SUSD5: variants seen among roughly 807,000 people sequenced by gnomAD.
SUSD5 encodes sushi domain-containing protein 5.
Under a neutral mutation model 29.5 loss-of-function variants are expected in SUSD5, and 33 were observed. The observed-to-expected ratio is 1.12, with a 90% CI of 0.85 to 1.49. The LOEUF is 1.49. Ranked by LOEUF, SUSD5 falls within the 40% of genes most tolerant of loss-of-function variation. SUSD5 has a pLI of 0.00. For synonymous variants in SUSD5, 308 were observed against 325.3 expected (o/e 0.95, Z 0.57); for missense variants, 776 against 800.6 (o/e 0.97, Z 0.37).
In SUSD5 at chr3:33,213,986, C is replaced by T. The variant is rs1480497534; in HGVS notation, c.232G>A (p.Val78Ile). ...LASADELRRVVQDCSFAVCTT... is the reference protein window; with the variant it reads ...LASADELRRVIQDCSFAVCTT... ...CACACCGCAAAGGAGCAATCCTGTA[C>T]CACTCTCCGCAGCTCGTCTGCAGAT... The change falls in exon 2 of 5, where the codon GTA becomes ATA. Residue 78 changes from valine (V) to isoleucine (I), a missense_variant. Coordinates refer to ENST00000309558, the MANE Select transcript of SUSD5 (RefSeq NM_015551.2). The T allele has an allele frequency of 1.2e-6, 2 of 1,613,634 alleles. No individual in the cohort carries two copies. Among genetic ancestry groups the T allele is most frequent in the African/African-American group, 1.3e-5 (1 of 74,924 alleles).
intron 3 of SUSD5, among the ~76,000 whole-genome samples, chr3:33,186,769 TGA>T (rs1181246347): frequency 1.3e-5 from 2 of 152,172 alleles, no homozygotes; most frequent in African/African-American, 4.8e-5. Flanking sequence ...TCCTTTTATA[TGA>T]GAGAGATTTT....
intron 4 of SUSD5, among the ~76,000 whole-genome samples, chr3:33,172,726 G>GA (rs1170534538): frequency 5.3e-5 from 8 of 152,366 alleles, no homozygotes; most frequent in Non-Finnish European, 1.0e-4. Context: ...AAGGCAAGTA[G>GA]AAACACCCAG....
At position 33,153,125 on chromosome 3, in the gene SUSD5, C is replaced by G. The variant is rs762003253; in HGVS notation, c.1507G>C (p.Val503Leu). Residue 503 changes from valine (V) to leucine (L), a missense_variant, in exon 5 of 5, where the codon GTC (valine) becomes CTC (leucine). Transcript: ENST00000309558. ...STLEILTVNT[V>L]KQTPNHIPST... Reference sequence around the variant, plus strand: ...GGGATGTGGTTAGGTGTCTGCTTGACAGTGTTCACTGTTAATATCTCCAGG... The same window carrying G: ...GGGATGTGGTTAGGTGTCTGCTTGAGAGTGTTCACTGTTAATATCTCCAGG... The G allele has an allele frequency of 6.8e-6, 11 of 1,613,890 alleles. No individual in the cohort carries two copies. Among genetic ancestry groups the G allele is most frequent in the Admixed American group, 3.3e-5 (2 of 60,014 alleles).
At chr3:33,179,660 G>T (rs1353843227) in intron 3 of SUSD5, among the ~76,000 whole-genome samples, 1 of 152,122 alleles carries the variant, frequency 6.6e-6, no homozygotes, top group African/African-American at 2.4e-5. Flanking sequence ...GCTTGCTTTG[G>T]GGTTTCATTT....
At chr3:33,175,563 C>CACACACTA (rs1553620684) in intron 3 of SUSD5, among the ~76,000 whole-genome samples, 1 of 150,162 alleles carries the variant, frequency 6.7e-6, no homozygotes, top group East Asian at 2.0e-4. Context: ...CACACACACA[C>CACACACTA]TATATATATA....
rs143165898 is a variant in SUSD5 at position 33,201,524 on chromosome 3, T to A, written c.409+6284A>T. Among the ~76,000 whole-genome samples the A allele has an allele frequency of 5.5e-3, 840 of 152,334 alleles. 7 individuals are homozygous for A. The highest frequency in any genetic ancestry group is 0.019 in the African/African-American group (799 of 41,570). On this transcript the variant is annotated intron_variant, in intron 3 of 4. Coordinates refer to ENST00000309558, the MANE Select transcript of SUSD5 (RefSeq NM_015551.2). The stretch of plus-strand genomic sequence containing the variant: ...CTCTGGCTGCCCAGACACTTGGCAT[T>A]CGTGGAAGCTGGCTGCTGGTGTATC...
At chr3:33,165,005 C>T (rs990365417) in intron 4 of SUSD5, among the ~76,000 whole-genome samples, 2 of 142,358 alleles carry the variant, frequency 1.4e-5, no homozygotes, top group African/African-American at 5.2e-5. Context: ...CACACACACA[C>T]ACGTATGATC....
intron 4 of SUSD5, among the ~76,000 whole-genome samples, chr3:33,168,068 G>A (rs142080710): frequency 1.2e-4 from 18 of 152,328 alleles, no homozygotes; most frequent in African/African-American, 3.6e-4. Context: ...AAAGTCATAC[G>A]TCAGGACTGA....
chr3:33,175,303 T>C (rs1332263317), intron 3 of SUSD5, among the ~76,000 whole-genome samples: 2 of 152,226 alleles, frequency 1.3e-5, no homozygotes, highest in African/African-American at 4.8e-5. Flanking sequence ...CATAAAGTGC[T>C]GCAACTTTGC....
intron 4 of SUSD5, among the ~76,000 whole-genome samples, chr3:33,168,969 C>T (rs988605434): frequency 2.6e-5 from 4 of 151,852 alleles, no homozygotes; most frequent in Non-Finnish European, 5.9e-5. Flanking sequence ...TGGTTTTAAA[C>T]CCCGGCTCTG....
intron 4 of SUSD5, among the ~76,000 whole-genome samples, chr3:33,161,192 C>T (rs2031181072): frequency 6.6e-6 from 1 of 152,192 alleles, no homozygotes; most frequent in Non-Finnish European, 1.5e-5. Flanking sequence ...CATATACACA[C>T]ACACACAATA....
intron 3 of SUSD5, among the ~76,000 whole-genome samples, chr3:33,186,071 AGGCG>A (rs1463036068): frequency 2.0e-5 from 3 of 152,198 alleles, no homozygotes; most frequent in Non-Finnish European, 4.4e-5. Flanking sequence ...TGGGAGGCCA[AGGCG>A]GGCGGATCAT....
At position 33,218,801 on chromosome 3, in the gene SUSD5, C is replaced by A; in HGVS notation, c.-4G>T. ...GGCTGGGTCCCTCGGCAGTCATGGT[C>A]CGGGAGTGCGCGGGCCAGCGGACTC... On this transcript the variant is annotated 5_prime_UTR_variant, in exon 1 of 5. Transcript: ENST00000309558. 6.9e-7 allele frequency: 1 copy of A among 1,443,660 alleles called. No homozygotes were observed. Among genetic ancestry groups the A allele is most frequent in the Non-Finnish European group, 9.1e-7 (1 of 1,104,024 alleles). 89.4% of individuals were successfully genotyped at this position (1,443,660 alleles called of 1,614,324 possible). A position where few individuals can be genotyped will look rare whatever the true frequency, so the allele number is the denominator to read the frequency against.
intron 4 of SUSD5, 147 bp downstream of exon 4, chr3:33,174,739 A>T: frequency 1.3e-6 from 1 of 775,222 alleles, no homozygotes; most frequent in Non-Finnish European, 2.0e-6. Flanking sequence ...AGATGTTGCT[A>T]GGTCCAGAGC....
At chr3:33,215,911 A>T (rs1177788847) in intron 1 of SUSD5, among the ~76,000 whole-genome samples, 1 of 152,214 alleles carries the variant, frequency 6.6e-6, no homozygotes, top group Admixed American at 6.5e-5. Flanking sequence ...AGAATCAATG[A>T]TCTAAGTTTC....
intron 4 of SUSD5, among the ~76,000 whole-genome samples, chr3:33,157,025 CAT>C (rs2031071737): frequency 6.6e-6 from 1 of 152,196 alleles, no homozygotes; most frequent in Non-Finnish European, 1.5e-5. Flanking sequence ...ACACAAAAAA[CAT>C]ATCAGATGGC....
At chr3:33,186,111 G>A (rs1162049938) in intron 3 of SUSD5, among the ~76,000 whole-genome samples, 1 of 152,086 alleles carries the variant, frequency 6.6e-6, no homozygotes, top group Admixed American at 6.5e-5. Flanking sequence ...AGACCATCCT[G>A]GCTAACACGG....
intron 4 of SUSD5, among the ~76,000 whole-genome samples, chr3:33,170,197 G>A (rs1445083015): frequency 6.6e-6 from 1 of 152,142 alleles, no homozygotes. Context: ...GGGATTACAG[G>A]CATGAGCCAC....
Position 33,152,949 on chromosome 3 carries a change from C to G in SUSD5, c.1683G>C (p.Ser561=). 3 of 1,613,964 alleles carry G rather than the reference C, an allele frequency of 1.9e-6. No individual in the cohort carries two copies. The highest frequency in any genetic ancestry group is 2.5e-6 in the Non-Finnish European group (3 of 1,179,864). ...GGCCAGGACATCCGTCCCCCACACA[C>G]GACTCCAAGGTGGGATGAAGCTCCT... is the stretch of plus-strand genomic sequence containing the variant. ...ASEELHPTLE[S]CVGDGCPGLS... The change falls in exon 5 of 5, where the codon TCG becomes TCC. Residue 561 remains serine, a synonymous_variant. Transcript: ENST00000309558.
Sources: gnomAD v4.1 joint callset for allele counts (sites outside exome capture counted in the v4.1 genomes callset) on GRCh38, gnomAD v4.1.1 for gene constraint, MANE v1.5 for transcripts, NCBI Gene and HGNC (gene_info 2026-07-23, HGNC 2026-07-21) for gene names.